Variants in EPAS1 observed in about 807,000 individuals in gnomAD.
EPAS1 encodes endothelial PAS domain protein 1, also known as endothelial PAS domain-containing protein 1.
EPAS1 carries 23 observed loss-of-function variants against 87.9 expected under a neutral mutation model. That is an observed-to-expected ratio of 0.26 (90% confidence interval 0.19 to 0.37). The LOEUF (loss-of-function observed/expected upper bound fraction) is 0.37, where lower values mean the gene tolerates loss of function less well. Ranked by LOEUF, EPAS1 falls within the 10% of genes least tolerant of loss-of-function variation. The pLI, the probability that EPAS1 is intolerant of heterozygous loss-of-function variation, is 1.00. For synonymous variants in EPAS1, 508 were observed against 444.3 expected, an observed-to-expected ratio of 1.14 and a Z score of -1.80; for missense variants, 1,138 against 1,120.7, an observed-to-expected ratio of 1.02 and a Z score of -0.22.
intron 2 of EPAS1, among the ~76,000 whole-genome samples, chr2:46,349,250 T>C (rs1684096136): frequency 6.6e-6 from 1 of 152,142 alleles, no homozygotes; most frequent in Non-Finnish European, 1.5e-5. Context: ...TTCCCCCTAG[T>C]GCAGGGCTTC....
chr2:46,384,573 T>C lies in EPAS1; in HGVS notation c.2526T>C (p.Tyr842=), dbSNP rs772607498. 1.9e-5 allele frequency: 30 copies of C among 1,614,058 alleles called. No individual in the cohort carries two copies. The highest frequency in any genetic ancestry group is 3.3e-5 in the Admixed American group (2 of 60,012). Reference sequence around the variant, plus strand: ...ACCTGCTGCCCGAACTGACCAGATATGACTGTGAGGTGAACGTGCCCGTGC... The same window carrying C: ...ACCTGCTGCCCGAACTGACCAGATACGACTGTGAGGTGAACGTGCCCGTGC... ...ESYLLPELTR[Y]DCEVNVPVLG... Residue 842 remains tyrosine (Y), a synonymous_variant, in exon 16 of 16, where the codon TAT becomes TAC. Transcript: ENST00000263734.
chr2:46,305,592 A>T (rs147194679), intron 1 of EPAS1, among the ~76,000 whole-genome samples: 46 of 152,368 alleles, frequency 3.0e-4, no homozygotes, highest in African/African-American at 1.1e-3. Flanking sequence ...GTCAATGAGA[A>T]AAATGACCCC....
chr2:46,380,271 C>T lies in EPAS1; in HGVS notation c.1599C>T (p.Ile533=), dbSNP rs1466907082. The change falls in exon 12 of 16, where the codon ATC becomes ATT. Residue 533 remains isoleucine (I), a synonymous_variant. Transcript: ENST00000263734. This position sits in a 1 kb window ranked among gnomAD's most constrained non-coding sequence, Gnocchi z 4.4. ...ACTTGGAGACACTGGCACCCTATAT[C>T]CCCATGGACGGGGAAGACTTCCAGC... is the stretch of plus-strand genomic sequence containing the variant. The part of the protein sequence containing the change: ...ELDLETLAPY[I]PMDGEDFQLS... 7 of 1,613,724 alleles carry T rather than the reference C, an allele frequency of 4.3e-6. No homozygotes were observed. Among genetic ancestry groups the T allele is most frequent in the African/African-American group, 1.3e-5 (1 of 74,904 alleles).
At chr2:46,336,739 G>C (rs145461561) in intron 1 of EPAS1, among the ~76,000 whole-genome samples, 26 of 152,328 alleles carry the variant, frequency 1.7e-4, no homozygotes, top group Non-Finnish European at 3.2e-4. Flanking sequence ...CAAAGTGTGA[G>C]GTCACAGACT....
At chr2:46,309,118 G>A (rs1054402725) in intron 1 of EPAS1, among the ~76,000 whole-genome samples, 14 of 152,218 alleles carry the variant, frequency 9.2e-5, no homozygotes, top group African/African-American at 3.4e-4. Flanking sequence ...TTCTGTCTAT[G>A]TCAGGAACTT....
intron 1 of EPAS1, among the ~76,000 whole-genome samples, chr2:46,309,100 C>G (rs1683164641): frequency 6.6e-6 from 1 of 152,184 alleles, no homozygotes; most frequent in Admixed American, 6.5e-5. Context: ...TATTTGTAGA[C>G]TGAGTAATTC....
rs149323074 is a variant in EPAS1 at position 46,309,952 on chromosome 2, T to G, written c.26+12015T>G. On this transcript the variant is annotated intron_variant, in intron 1 of 15. Coordinates refer to ENST00000263734, the MANE Select transcript of EPAS1 (RefSeq NM_001430.5). ...GCCTAGCTCTAGTGTGAGCATCAAG[T>G]GGGTGGTTGGAGGAGGCCATGATTT... Among the ~76,000 whole-genome samples, 681 of 152,330 alleles carry G rather than the reference T, an allele frequency of 4.5e-3. 6 individuals are homozygous for G. The highest frequency in any genetic ancestry group is 0.015 in the African/African-American group (644 of 41,576).
At chr2:46,310,725 T>G (rs1320103190) in intron 1 of EPAS1, among the ~76,000 whole-genome samples, 1 of 152,220 alleles carries the variant, frequency 6.6e-6, no homozygotes, top group African/African-American at 2.4e-5. Context: ...AGATCCCAAG[T>G]CACTGGAGAA....
In EPAS1 at chr2:46,381,996, A is replaced by C; in HGVS notation, c.2194A>C (p.Thr732Pro). The change falls in exon 14 of 16, where the codon ACC becomes CCC. Residue 732 changes from threonine to proline, a missense_variant. By Grantham distance (38) the Thr-to-Pro change is conservative (BLOSUM62 -1). Coordinates refer to ENST00000263734, the MANE Select transcript of EPAS1 (RefSeq NM_001430.5). ...LSGGDPPGGS[T>P]SHLMWKRMKN... The stretch of plus-strand genomic sequence containing the variant: ...CCAGGGGGACCCACCTGGTGGCAGC[A>C]CCTCACATTTGATGTGGAAACGGAT... 1 of 1,600,682 alleles carries C rather than the reference A, an allele frequency of 6.2e-7. No individual in the cohort carries two copies. Among genetic ancestry groups the C allele is most frequent in the Non-Finnish European group, 8.5e-7 (1 of 1,172,272 alleles).
At chr2:46,372,150 C>G (rs1684639560) in intron 7 of EPAS1, among the ~76,000 whole-genome samples, 1 of 152,174 alleles carries the variant, frequency 6.6e-6, no homozygotes, top group Non-Finnish European at 1.5e-5. Flanking sequence ...AAATCACAGG[C>G]TCTCTCTCCC....
At chr2:46,313,801 A>G (rs1364400791) in intron 1 of EPAS1, among the ~76,000 whole-genome samples, 1 of 152,124 alleles carries the variant, frequency 6.6e-6, no homozygotes, top group Non-Finnish European at 1.5e-5. Context: ...GCTGCCCCCT[A>G]GTATGTAAGC....
At chr2:46,378,628 A>C in intron 10 of EPAS1, 29 bp from the exon 11 acceptor site, 1 of 1,592,732 alleles carries the variant, frequency 6.3e-7, no homozygotes. Context: ...CATATCTTTG[A>C]CTCTGTCCCC....
chr2:46,369,971 C>A, intron 7 of EPAS1, 38 bp downstream of exon 7: 1 of 1,505,710 alleles, frequency 6.6e-7, no homozygotes, highest in South Asian at 1.2e-5. Flanking sequence ...TTCCTTGTGT[C>A]TGTGGTATGT....
At chr2:46,332,858 T>C (rs981829634) in intron 1 of EPAS1, among the ~76,000 whole-genome samples, 6 of 152,100 alleles carry the variant, frequency 3.9e-5, no homozygotes, top group Non-Finnish European at 8.8e-5. Context: ...AACAGATTGT[T>C]CTGTAGTGTC....
At chr2:46,367,311 TG>T (rs1280279091) in intron 6 of EPAS1, among the ~76,000 whole-genome samples, 1 of 152,242 alleles carries the variant, frequency 6.6e-6, no homozygotes, top group Non-Finnish European at 1.5e-5. Flanking sequence ...TTTCCTAGAA[TG>T]CCAGTAGGCT....
rs545703924 is a variant in EPAS1, at chr2:46,299,625, G to A, written c.26+1688G>A. 5.3e-5 allele frequency among the ~76,000 whole-genome samples: 8 copies of A among 152,362 alleles called. No individual in the cohort carries two copies. The East Asian group carries it at 1.5e-3, about 29-fold the overall frequency. ...AACTTGTGTATTTTACAACTGCGAT[G>A]CCTATCGGGAATGTGGCAATCGCCG... On this transcript the variant is annotated intron_variant, in intron 1 of 15. Coordinates refer to ENST00000263734, the MANE Select transcript of EPAS1 (RefSeq NM_001430.5).
In EPAS1 at chr2:46,300,638, T is replaced by C. The variant is rs553837667; in HGVS notation, c.26+2701T>C. On this transcript the variant is annotated intron_variant, in intron 1 of 15. Transcript: ENST00000263734. The surrounding 1 kb of genome is among the most constrained non-coding windows in gnomAD (Gnocchi z 4.1). The stretch of plus-strand genomic sequence containing the variant: ...TGTGCACGCATCTATCAGGAATGCC[T>C]GAGTCCTTTCACTGGGAAAAAAATG... Among the ~76,000 whole-genome samples the C allele has an allele frequency of 2.0e-5, 3 of 152,274 alleles. No individual in the cohort carries two copies. The East Asian group carries it at 5.8e-4, about 29-fold the overall frequency.
rs1419437002 is a variant in EPAS1, at chr2:46,381,967, A to C, written c.2173-8A>C. On this transcript the variant is annotated splice_polypyrimidine_tract_variant and splice_region_variant and intron_variant, in intron 13 of 15. Transcript: ENST00000263734. ...TTTCCCCTTTCCATCTGCCCTTCTTACTCCCAGGGGGACCCACCTGGTGGC... is the reference window on the plus strand; with the variant it reads ...TTTCCCCTTTCCATCTGCCCTTCTTCCTCCCAGGGGGACCCACCTGGTGGC... 6.5e-7 allele frequency: 1 copy of C among 1,534,986 alleles called. No homozygotes were observed. Among genetic ancestry groups the C allele is most frequent in the African/African-American group, 1.5e-5 (1 of 65,526 alleles).
intron 1 of EPAS1, among the ~76,000 whole-genome samples, chr2:46,313,653 T>C (rs1198965859): frequency 6.6e-6 from 1 of 152,138 alleles, no homozygotes; most frequent in Non-Finnish European, 1.5e-5. Flanking sequence ...GGTTTCACCA[T>C]GTTGGCCAGG....
Sources: gnomAD v4.1 joint callset for allele counts (sites outside exome capture counted in the v4.1 genomes callset) on GRCh38, gnomAD v4.1.1 for gene constraint, Gnocchi (gnomAD v3.1) non-coding constraint, MANE v1.5 for transcripts, NCBI Gene and HGNC (gene_info 2026-07-23, HGNC 2026-07-21) for gene names.